The following GRID2 variants were observed in gnomAD, a reference collection of about 807,000 sequenced individuals.
The protein encoded by GRID2 is glutamate receptor ionotropic, delta-2.
Under a neutral mutation model 114.8 loss-of-function variants are expected in GRID2, and 33 were observed. The observed-to-expected ratio is 0.29, with a 90% CI of 0.22 to 0.38. GRID2 has a LOEUF of 0.38. Ranked by LOEUF, GRID2 falls within the 10% of genes least tolerant of loss-of-function variation. The pLI is 1.00. For synonymous variants in GRID2, 505 were observed against 449.9 expected (o/e 1.12, Z -1.55); for missense variants, 1,184 against 1,257.7 (o/e 0.94, Z 0.89).
chr4:92,939,871 G>A (rs1410739422), intron 2 of GRID2, among the ~76,000 whole-genome samples: 2 of 146,976 alleles, frequency 1.4e-5, no homozygotes, highest in Non-Finnish European at 3.0e-5. Context: ...AGATCAGATA[G>A]TTGTAGATAT....
intron 2 of GRID2, among the ~76,000 whole-genome samples, chr4:92,800,728 C>T (rs113925545): frequency 2.0e-5 from 3 of 151,978 alleles, no homozygotes; most frequent in African/African-American, 7.2e-5. Context: ...TCATGAAGCC[C>T]GATCATCTGA....
At chr4:93,518,010 TATATACATACATGTAC>T (rs1456969490) in intron 13 of GRID2, among the ~76,000 whole-genome samples, 1 of 45,634 alleles carries the variant, frequency 2.2e-5, no homozygotes, top group Non-Finnish European at 6.3e-5. Context: ...TATATGTATG[TATATACATACATGTAC>T]ATGTATGTAT....
chr4:93,707,447 A>C (rs953148784), intron 14 of GRID2, among the ~76,000 whole-genome samples: 2 of 151,934 alleles, frequency 1.3e-5, no homozygotes, highest in African/African-American at 2.4e-5. Flanking sequence ...ATGTATCTAG[A>C]AATTTATCTA....
At chr4:93,475,270 C>T (rs1385991620) in intron 11 of GRID2, among the ~76,000 whole-genome samples, 1 of 152,072 alleles carries the variant, frequency 6.6e-6, no homozygotes, top group Non-Finnish European at 1.5e-5. Flanking sequence ...CAATTTTTCT[C>T]TTCAACTCTT....
At chr4:92,520,348 T>C (rs1281944584) in intron 1 of GRID2, among the ~76,000 whole-genome samples, 1 of 149,852 alleles carries the variant, frequency 6.7e-6, no homozygotes, top group African/African-American at 2.4e-5. Context: ...AAAACAAAGA[T>C]ATTTTCTATA....
At chr4:93,789,553 A>C (rs1734657068) in intron 1 of GRID2, among the ~76,000 whole-genome samples, 1 of 152,214 alleles carries the variant, frequency 6.6e-6, no homozygotes, top group African/African-American at 2.4e-5. Context: ...ACATTCTTCT[A>C]ATATTTTTGG....
intron 2 of GRID2, among the ~76,000 whole-genome samples, chr4:92,850,046 TTG>T (rs1301990690): frequency 3.3e-5 from 5 of 151,284 alleles, no homozygotes; most frequent in African/African-American, 1.2e-4. Context: ...TCTCAGAACA[TTG>T]TGTGTTTTTC....
intron 2 of GRID2, among the ~76,000 whole-genome samples, chr4:92,784,655 T>C (rs1018381581): frequency 5.3e-5 from 8 of 151,858 alleles, no homozygotes; most frequent in African/African-American, 1.9e-4. Flanking sequence ...AAGTCAATAC[T>C]TTAGTGTTTG....
intron 2 of GRID2, among the ~76,000 whole-genome samples, chr4:92,708,764 T>C (rs1240085206): frequency 6.6e-6 from 1 of 152,142 alleles, no homozygotes; most frequent in African/African-American, 2.4e-5. Flanking sequence ...CCGTTTCTAC[T>C]AAACGCAAAA....
chr4:92,759,608 T>C (rs912684889), intron 2 of GRID2, among the ~76,000 whole-genome samples: 2 of 152,004 alleles, frequency 1.3e-5, no homozygotes, highest in Non-Finnish European at 2.9e-5. Context: ...CTCTCAGCTC[T>C]TTTTTATTCT....
intron 14 of GRID2, among the ~76,000 whole-genome samples, chr4:93,721,308 G>T (rs918531071): frequency 6.6e-6 from 1 of 152,146 alleles, no homozygotes; most frequent in African/African-American, 2.4e-5. Flanking sequence ...GTAATGGATG[G>T]ATCAAAGTGT....
chr4:93,066,236 CAT>C lies in GRID2; in HGVS notation c.245-18758_245-18757del, dbSNP rs569503107. Reference sequence around the variant, plus strand: ...TTATAAAGATTTCATAGAAAATTAACATGTGATGGTACTAAGATATATAGAGA... The same window carrying C: ...TTATAAAGATTTCATAGAAAATTAACGTGATGGTACTAAGATATATAGAGA... On this transcript the variant is annotated intron_variant, in intron 2 of 15. Transcript: ENST00000282020. 4.6e-5 allele frequency among the ~76,000 whole-genome samples: 7 copies of C among 152,048 alleles called. No homozygotes were observed. In the South Asian group the frequency reaches 1.5e-3, roughly 32 times the overall value.
intron 2 of GRID2, among the ~76,000 whole-genome samples, chr4:92,991,934 A>G (rs1200257243): frequency 6.6e-6 from 1 of 152,220 alleles, no homozygotes; most frequent in Non-Finnish European, 1.5e-5. Context: ...AAATACAAAA[A>G]TGTATTTTCC....
chr4:92,493,408 T>C (rs954885778), intron 1 of GRID2, among the ~76,000 whole-genome samples: 13 of 152,158 alleles, frequency 8.5e-5, no homozygotes, highest in African/African-American at 2.2e-4. Flanking sequence ...CCAGAAATCA[T>C]AGTGGACAAG....
chr4:93,419,439 AC>A (rs1417594851), intron 9 of GRID2, among the ~76,000 whole-genome samples: 2 of 151,970 alleles, frequency 1.3e-5, no homozygotes, highest in Non-Finnish European at 2.9e-5. Flanking sequence ...CAAAGCTTCA[AC>A]CAAATTTCTT....
At chr4:93,054,535 G>T (rs1044867426) in intron 2 of GRID2, among the ~76,000 whole-genome samples, 13 of 151,806 alleles carry the variant, frequency 8.6e-5, no homozygotes, top group Non-Finnish European at 1.9e-4. Flanking sequence ...GGAGCATGTG[G>T]TAAACTTTTC....
intron 1 of GRID2, among the ~76,000 whole-genome samples, chr4:92,540,981 ATGTCCTT>A (rs1725912995): frequency 6.6e-6 from 1 of 152,234 alleles, no homozygotes; most frequent in Non-Finnish European, 1.5e-5. Flanking sequence ...GGATGAGTTC[ATGTCCTT>A]TGTAGGAACA....
At chr4:92,985,850 T>C (rs1295192501) in intron 2 of GRID2, among the ~76,000 whole-genome samples, 2 of 152,192 alleles carry the variant, frequency 1.3e-5, no homozygotes, top group Non-Finnish European at 2.9e-5. Context: ...ACATCAATTA[T>C]AGAAGCTGAC....
intron 2 of GRID2, among the ~76,000 whole-genome samples, chr4:92,990,243 TGTGTGTGA>T (rs1345766364): frequency 5.1e-5 from 5 of 98,454 alleles, no homozygotes; most frequent in Non-Finnish European, 8.2e-5. Flanking sequence ...TGTGTGTGTG[TGTGTGTGA>T]TATATGTATA....
Sources: gnomAD v4.1 joint callset for allele counts (sites outside exome capture counted in the v4.1 genomes callset) on GRCh38, gnomAD v4.1.1 for gene constraint, MANE v1.5 for transcripts, NCBI Gene and HGNC (gene_info 2026-07-23, HGNC 2026-07-21) for gene names.